Variants in GPATCH2 observed in about 807,000 individuals in gnomAD.
GPATCH2 encodes the protein G patch domain-containing protein 2.
A neutral mutation model predicts 58.0 loss-of-function variants in GPATCH2; 51 were observed. That is an observed-to-expected ratio of 0.88 (90% CI 0.70 to 1.11). The LOEUF is 1.11. Ranked by LOEUF, GPATCH2 falls within the 50% of genes most tolerant of loss-of-function variation. The probability of loss-of-function intolerance (pLI) is 0.00; values close to 1 mark genes in which losing one functional copy is unlikely to be tolerated. For synonymous variants in GPATCH2, 222 were observed against 218.5 expected, an observed-to-expected ratio of 1.02 and a Z score of -0.14; for missense variants, 625 against 652.2, an observed-to-expected ratio of 0.96 and a Z score of 0.45.
In GPATCH2 at chr1:217,523,031, A is replaced by T. The variant is rs922843960; in HGVS notation, c.1099-8142T>A. Among the ~76,000 whole-genome samples the T allele has an allele frequency of 2.6e-5, 4 of 151,996 alleles. No individual in the cohort carries two copies. In the South Asian group the frequency reaches 8.3e-4, roughly 32 times the overall value. On this transcript the variant is annotated intron_variant, in intron 5 of 9. Transcript: ENST00000366935. ...ATAGTAATCCAAAGCAATTAAAAAA[A>T]TTTCTATATTATTGCTCCTATGTTT...
intron 5 of GPATCH2, among the ~76,000 whole-genome samples, chr1:217,581,398 C>A (rs1393065863): frequency 1.3e-5 from 2 of 152,156 alleles, no homozygotes; most frequent in East Asian, 3.8e-4. Flanking sequence ...GAAGTTGAAG[C>A]TAAAAGAGGT....
In GPATCH2 at chr1:217,538,806, A is replaced by G. The variant is rs139908292; in HGVS notation, c.1099-23917T>C. 3.2e-3 allele frequency among the ~76,000 whole-genome samples: 486 copies of G among 152,350 alleles called. 4 individuals are homozygous for G. The highest frequency in any genetic ancestry group is 0.01 in the African/African-American group (426 of 41,582). On this transcript the variant is annotated intron_variant, in intron 5 of 9. Transcript: ENST00000366935. ...TACTATGGGCCAAGTTATGTCCATCATCGTCACACTTAACAGTGTTGGGTC... is the reference window on the plus strand; with the variant it reads ...TACTATGGGCCAAGTTATGTCCATCGTCGTCACACTTAACAGTGTTGGGTC...
At chr1:217,562,445 G>A (rs891168107) in intron 5 of GPATCH2, among the ~76,000 whole-genome samples, 5 of 152,052 alleles carry the variant, frequency 3.3e-5, no homozygotes, top group Admixed American at 6.6e-5. Context: ...GGGAATCAAG[G>A]GCTTCATGGA....
intron 5 of GPATCH2, among the ~76,000 whole-genome samples, chr1:217,594,686 A>T (rs532286679): frequency 1.3e-5 from 2 of 152,330 alleles, no homozygotes; most frequent in Non-Finnish European, 2.9e-5. Flanking sequence ...TTCACTTTTT[A>T]AAAAATTCAT....
chr1:217,561,171 A>G (rs1041738884), intron 5 of GPATCH2, among the ~76,000 whole-genome samples: 1 of 152,362 alleles, frequency 6.6e-6, no homozygotes, highest in African/African-American at 2.4e-5. Flanking sequence ...CAGTTTTCAA[A>G]GTCACTTCTG....
chr1:217,531,252 AAT>A (rs1286131305), intron 5 of GPATCH2, among the ~76,000 whole-genome samples: 1 of 152,178 alleles, frequency 6.6e-6, no homozygotes, highest in Non-Finnish European at 1.5e-5. Context: ...TCTCTATAAT[AAT>A]ATGTTTCTCA....
At chr1:217,562,882 T>A (rs1665998874) in intron 5 of GPATCH2, among the ~76,000 whole-genome samples, 1 of 152,248 alleles carries the variant, frequency 6.6e-6, no homozygotes, top group Non-Finnish European at 1.5e-5. Flanking sequence ...CTATTCTTCC[T>A]ACTCTTTTCT....
chr1:217,557,600 GT>G (rs1213014804), intron 5 of GPATCH2, among the ~76,000 whole-genome samples: 19 of 152,082 alleles, frequency 1.2e-4, no homozygotes, highest in African/African-American at 4.6e-4. Context: ...ATTTTTGTAT[GT>G]GCTATCAGAT....
At chr1:217,609,636 C>T in intron 5 of GPATCH2, 1 of 978,930 alleles carries the variant, frequency 1.0e-6, no homozygotes, top group Middle Eastern at 5.3e-4. Context: ...CTCATCTTAG[C>T]CCTTGTTAAA....
At chr1:217,579,291 C>T (rs575110179) in intron 5 of GPATCH2, among the ~76,000 whole-genome samples, 39 of 150,906 alleles carry the variant, frequency 2.6e-4, no homozygotes, top group Middle Eastern at 3.4e-3. Flanking sequence ...ATAAGGAAAG[C>T]GAAGGTTTGC....
At chr1:217,591,758 A>C (rs1667600868) in intron 5 of GPATCH2, among the ~76,000 whole-genome samples, 1 of 152,186 alleles carries the variant, frequency 6.6e-6, no homozygotes, top group Middle Eastern at 3.4e-3. Flanking sequence ...AATCACCGAA[A>C]TCTATTATCA....
At chr1:217,585,813 G>A (rs369613884) in intron 5 of GPATCH2, among the ~76,000 whole-genome samples, 21 of 152,064 alleles carry the variant, frequency 1.4e-4, no homozygotes, top group African/African-American at 3.9e-4. Flanking sequence ...CACAAACATC[G>A]TAGAGTATAC....
chr1:217,435,909 C>T (rs991226919), intron 9 of GPATCH2, among the ~76,000 whole-genome samples: 3 of 152,082 alleles, frequency 2.0e-5, no homozygotes, highest in African/African-American at 7.2e-5. Flanking sequence ...ATAATTTTAT[C>T]TGCAATATTG....
At chr1:217,431,634 A>T (rs543594416) in intron 9 of GPATCH2, among the ~76,000 whole-genome samples, 1 of 152,328 alleles carries the variant, frequency 6.6e-6, no homozygotes, top group African/African-American at 2.4e-5. Flanking sequence ...AAACAGCCAT[A>T]ATACAACCTA....
intron 8 of GPATCH2, among the ~76,000 whole-genome samples, chr1:217,453,225 G>A (rs990281329): frequency 6.6e-6 from 1 of 152,146 alleles, no homozygotes; most frequent in African/African-American, 2.4e-5. Context: ...AGTGTTTTGA[G>A]AATGACAATG....
intron 8 of GPATCH2, among the ~76,000 whole-genome samples, chr1:217,476,743 C>T (rs1433606601): frequency 3.9e-5 from 6 of 152,126 alleles, no homozygotes; most frequent in Admixed American, 3.9e-4. Flanking sequence ...TTCTGCAAAC[C>T]TCGCAACCAT....
chr1:217,577,872 C>T (rs147652486), intron 5 of GPATCH2, among the ~76,000 whole-genome samples: 4 of 151,952 alleles, frequency 2.6e-5, no homozygotes, highest in Admixed American at 6.6e-5. Context: ...TTCAGCCACC[C>T]GAGTAGCTGG....
intron 1 of GPATCH2, among the ~76,000 whole-genome samples, chr1:217,627,454 T>A (rs189932689): frequency 1.6e-4 from 25 of 152,028 alleles, no homozygotes; most frequent in African/African-American, 5.1e-4. Context: ...TAAAAAAAAA[T>A]TTTAAATCCC....
Position 217,429,092 on chromosome 1 carries a change from T to A in GPATCH2, c.*2053A>T, listed in dbSNP as rs1658421483. 1 of 152,082 alleles carries A rather than the reference T, an allele frequency of 6.6e-6. No homozygotes were observed. The allele number at this position is 152,082 out of a possible 1,614,324, so 9.4% of individuals were successfully genotyped here. On this transcript the variant is annotated 3_prime_UTR_variant, in exon 10 of 10. Transcript: ENST00000366935. ...AGGATTTTAGCAGATCTCCAGGCAATCAAATTAACAAAACCTCAAACACCA... is the reference window on the plus strand; with the variant it reads ...AGGATTTTAGCAGATCTCCAGGCAAACAAATTAACAAAACCTCAAACACCA...
Sources: gnomAD v4.1 joint callset for allele counts (sites outside exome capture counted in the v4.1 genomes callset) on GRCh38, gnomAD v4.1.1 for gene constraint, MANE v1.5 for transcripts, NCBI Gene and HGNC (gene_info 2026-07-23, HGNC 2026-07-21) for gene names.